The following ZDHHC13 variants were observed in gnomAD, a reference collection of about 807,000 sequenced individuals.
ZDHHC13 encodes the protein zDHHC palmitoyltransferase 13.
Under a neutral mutation model 86.0 loss-of-function variants are expected in ZDHHC13, and 85 were observed. The observed-to-expected ratio is 0.99, with a 90% CI of 0.83 to 1.18. The LOEUF (loss-of-function observed/expected upper bound fraction) is 1.18, where lower values mean the gene tolerates loss of function less well. Among genes scored for constraint, ZDHHC13 ranks in the 50% most tolerant of loss-of-function variants. ZDHHC13 has a pLI of 0.00. For missense variants in ZDHHC13, 711 were observed against 730.2 expected, an observed-to-expected ratio of 0.97 and a Z score of 0.30; for synonymous variants, 263 against 246.4, an observed-to-expected ratio of 1.07 and a Z score of -0.63.
chr11:19,137,181 G>T (rs1849165483), intron 1 of ZDHHC13, among the ~76,000 whole-genome samples: 2 of 152,046 alleles, frequency 1.3e-5, no homozygotes, highest in African/African-American at 4.8e-5. Flanking sequence ...CATCTCATGT[G>T]CAGAGACACA....
At position 19,152,304 on chromosome 11, in the gene ZDHHC13, A is replaced by G; in HGVS notation, c.731A>G (p.Asp244Gly). 1 of 1,613,162 alleles carries G rather than the reference A, an allele frequency of 6.2e-7. No individual in the cohort carries two copies. Among genetic ancestry groups the G allele is most frequent in the Non-Finnish European group, 8.5e-7 (1 of 1,179,414 alleles). The change falls in exon 7 of 17, where the codon GAT (aspartate) becomes GGT (glycine). Residue 244 changes from aspartate (D) to glycine (G), a missense_variant. Transcript: ENST00000446113. The stretch of plus-strand genomic sequence containing the variant: ...CTTTTGGAAGCTGGTTCTAGCCTGG[A>G]TATCCAGAATGTTAAGGTATGGCCA... The part of the protein sequence containing the change: ...DKLLEAGSSL[D>G]IQNVKGETPL...
chr11:19,126,300 C>G (rs554697844), intron 1 of ZDHHC13, among the ~76,000 whole-genome samples: 15 of 151,460 alleles, frequency 9.9e-5, no homozygotes, highest in African/African-American at 3.6e-4. Flanking sequence ...CAAGTATACC[C>G]CAGTGTCTGT....
At chr11:19,169,387 A>G (rs1166979737) in intron 14 of ZDHHC13, 2 of 985,332 alleles carry the variant, frequency 2.0e-6, no homozygotes, top group East Asian at 1.1e-4. Context: ...GCATATATTC[A>G]TGAAAGATGG....
chr11:19,130,420 T>C (rs1848970427), intron 1 of ZDHHC13, among the ~76,000 whole-genome samples: 1 of 152,212 alleles, frequency 6.6e-6, no homozygotes, highest in Non-Finnish European at 1.5e-5. Context: ...AAACCTGATA[T>C]TCGTCATTGA....
intron 1 of ZDHHC13, among the ~76,000 whole-genome samples, chr11:19,141,979 A>C (rs550168874): frequency 2.0e-5 from 3 of 152,252 alleles, no homozygotes; most frequent in South Asian, 4.2e-4. Context: ...TAGTGGGTTA[A>C]AACAACACCT....
chr11:19,143,164 A>G (rs1849370425), intron 2 of ZDHHC13, 41 bp downstream of exon 2: 1 of 1,576,670 alleles, frequency 6.3e-7, no homozygotes, highest in Non-Finnish European at 8.6e-7. Flanking sequence ...TATGTTCTCT[A>G]GAATTAATAG....
At chr11:19,161,506 G>A (rs2133454293) in intron 10 of ZDHHC13, among the ~76,000 whole-genome samples, 1 of 151,762 alleles carries the variant, frequency 6.6e-6, no homozygotes, top group East Asian at 1.9e-4. Context: ...TAATTTCAAG[G>A]GCAATTCTAG....
At chr11:19,173,568 C>G (rs1461327988) in intron 16 of ZDHHC13, among the ~76,000 whole-genome samples, 1 of 152,112 alleles carries the variant, frequency 6.6e-6, no homozygotes, top group East Asian at 1.9e-4. Flanking sequence ...AACTGTTAGG[C>G]TGTTAGACAA....
At chr11:19,148,087 C>A (rs187413343) in intron 4 of ZDHHC13, among the ~76,000 whole-genome samples, 1 of 152,194 alleles carries the variant, frequency 6.6e-6, no homozygotes, top group African/African-American at 2.4e-5. Flanking sequence ...TGAGTCAACT[C>A]TTTTAAAAGT....
Position 19,117,275 on chromosome 11 carries a change from A to C in ZDHHC13, c.26A>C (p.Gln9Pro), listed in dbSNP as rs994723647. 3.4e-6 allele frequency: 5 copies of C among 1,482,638 alleles called. No homozygotes were observed. The South Asian group carries it at 6.3e-5, about 19-fold the overall frequency. 91.8% of individuals were successfully genotyped at this position (1,482,638 alleles called of 1,614,324 possible). A position where few individuals can be genotyped will look rare whatever the true frequency, so the allele number is the denominator to read the frequency against. The change falls in exon 1 of 17, where the codon CAG becomes CCG. Residue 9 changes from glutamine to proline, a missense_variant and splice_region_variant. Physicochemically the swap from Gln to Pro is moderately conservative, Grantham distance 76 (BLOSUM62 -1). Transcript: ENST00000446113. This position sits in a 1 kb window ranked among gnomAD's most constrained non-coding sequence, Gnocchi z 4.2. The part of the protein sequence containing the change: MEGPGLGS[Q>P]CRNHSHGPHP... ...ATGGAGGGGCCGGGGCTGGGCTCGC[A>C]GGTGAGTGCGGCCGGGCGGTGGCTG...
chr11:19,162,137 C>A (rs1218551106), intron 10 of ZDHHC13, among the ~76,000 whole-genome samples: 1 of 152,084 alleles, frequency 6.6e-6, no homozygotes, highest in African/African-American at 2.4e-5. Flanking sequence ...GAAGCCAATG[C>A]ACTATGTAGA....
chr11:19,127,728 T>A (rs942285550), intron 1 of ZDHHC13, among the ~76,000 whole-genome samples: 20 of 152,216 alleles, frequency 1.3e-4, no homozygotes, highest in Admixed American at 1.3e-3. Context: ...ATTGCTTGTT[T>A]TTATCAGCTT....
chr11:19,157,446 G>A (rs147197370), intron 9 of ZDHHC13, among the ~76,000 whole-genome samples: 3 of 152,278 alleles, frequency 2.0e-5, no homozygotes, highest in African/African-American at 7.2e-5. Context: ...AAGTATTAGA[G>A]GAATCTTACT....
At chr11:19,137,562 C>T (rs1246804356) in intron 1 of ZDHHC13, among the ~76,000 whole-genome samples, 126 of 151,866 alleles carry the variant, frequency 8.3e-4, no homozygotes, top group African/African-American at 2.3e-3. Flanking sequence ...CTGCACCAAG[C>T]GGACCTAATA....
At chr11:19,150,873 C>T in intron 6 of ZDHHC13, 82 bp downstream of exon 6, 1 of 1,258,748 alleles carries the variant, frequency 7.9e-7, no homozygotes, top group Non-Finnish European at 1.1e-6. Flanking sequence ...GTATCTGTGT[C>T]TATGTGAGAT....
At chr11:19,139,753 T>G (rs1299494651) in intron 1 of ZDHHC13, among the ~76,000 whole-genome samples, 16 of 139,084 alleles carry the variant, frequency 1.2e-4, no homozygotes, top group Non-Finnish European at 1.6e-4. Context: ...CCCTCAGAAA[T>G]AACGCCGCAT....
chr11:19,166,464 C>A, intron 14 of ZDHHC13, 79 bp downstream of exon 14: 3 of 1,164,322 alleles, frequency 2.6e-6, no homozygotes, highest in Non-Finnish European at 3.7e-6. Context: ...TTGTATATCA[C>A]ATTCTGGCTG....
At chr11:19,121,261 C>T (rs552363057) in intron 1 of ZDHHC13, among the ~76,000 whole-genome samples, 18 of 152,258 alleles carry the variant, frequency 1.2e-4, no homozygotes, top group Non-Finnish European at 1.9e-4. Flanking sequence ...AGTCATGATA[C>T]GATCTTGTTT....
chr11:19,144,916 G>T (rs970855098), intron 2 of ZDHHC13, among the ~76,000 whole-genome samples: 5 of 152,148 alleles, frequency 3.3e-5, no homozygotes, highest in African/African-American at 4.8e-5. Context: ...AGGACTTCGA[G>T]ACCAGCCTGG....
Sources: gnomAD v4.1 joint callset for allele counts (sites outside exome capture counted in the v4.1 genomes callset) on GRCh38, gnomAD v4.1.1 for gene constraint, Gnocchi (gnomAD v3.1) non-coding constraint, MANE v1.5 for transcripts, NCBI Gene and HGNC (gene_info 2026-07-23, HGNC 2026-07-21) for gene names.